The following CTNNA3 variants were observed in gnomAD, a reference collection of about 807,000 sequenced individuals.
CTNNA3 encodes the protein catenin alpha-3.
Under a neutral mutation model 95.7 loss-of-function variants are expected in CTNNA3, and 76 were observed. The ratio of observed to expected loss-of-function variants is 0.79; its 90% confidence interval spans 0.66 to 0.96. CTNNA3 has a LOEUF of 0.96. CTNNA3 is among the 40% of genes least tolerant of loss of function. The probability of loss-of-function intolerance (pLI) is 0.00; values close to 1 mark genes in which losing one functional copy is unlikely to be tolerated. For missense variants in CTNNA3, 1,191 were observed against 1,089.8 expected (o/e 1.09, Z -1.31); for synonymous variants, 431 against 374.4 (o/e 1.15, Z -1.74).
In CTNNA3 at chr10:67,620,923, G is replaced by GTGTATATATATATACA. The variant is rs1402402526; in HGVS notation, c.100-13875_100-13874insTGTATATATATATACA. 4.6e-4 allele frequency among the ~76,000 whole-genome samples: 57 copies of GTGTATATATATATACA among 123,850 alleles called. 1 individual carries two copies. The highest frequency in any genetic ancestry group is 1.6e-3 in the African/African-American group (53 of 32,712). 81.3% of individuals were successfully genotyped at this position (123,850 alleles called of 152,430 possible). On this transcript the variant is annotated intron_variant, in intron 2 of 17. Transcript: ENST00000433211. ...TGTATATGTGTGTGTGTGTGTGTGTGTATATATATATATATATATATATAT... is the reference window on the plus strand; with the variant it reads ...TGTATATGTGTGTGTGTGTGTGTGTGTGTATATATATATACATATATATATATATATATATATATAT...
intron 7 of CTNNA3, among the ~76,000 whole-genome samples, chr10:66,977,993 G>T (rs1850147809): frequency 6.6e-6 from 1 of 151,660 alleles, no homozygotes; most frequent in African/African-American, 2.4e-5. Flanking sequence ...GAATAATCAA[G>T]GTTGTATATA....
At chr10:67,682,314 G>A (rs539665889) in intron 1 of CTNNA3, among the ~76,000 whole-genome samples, 11 of 149,132 alleles carry the variant, frequency 7.4e-5, no homozygotes, top group African/African-American at 2.2e-4. Flanking sequence ...GTGACAGAGC[G>A]AGACTCTATC....
intron 5 of CTNNA3, among the ~76,000 whole-genome samples, chr10:67,291,103 A>G (rs1452628841): frequency 2.0e-5 from 3 of 152,158 alleles, no homozygotes; most frequent in East Asian, 1.9e-4. Flanking sequence ...TATATAATAA[A>G]TTGATCCCTC....
chr10:67,428,169 C>T (rs1368391860), intron 5 of CTNNA3, among the ~76,000 whole-genome samples: 1 of 151,960 alleles, frequency 6.6e-6, no homozygotes, highest in Non-Finnish European at 1.5e-5. Flanking sequence ...TATTGAATAT[C>T]CCTTGACTTG....
chr10:66,154,342 A>G (rs1345980406), intron 13 of CTNNA3, among the ~76,000 whole-genome samples: 1 of 151,700 alleles, frequency 6.6e-6, no homozygotes, highest in East Asian at 1.9e-4. Context: ...TTTAACATTG[A>G]GCAACTAGAG....
chr10:67,363,701 C>T (rs369118769), intron 5 of CTNNA3, among the ~76,000 whole-genome samples: 5 of 152,020 alleles, frequency 3.3e-5, no homozygotes, highest in Admixed American at 1.3e-4. Flanking sequence ...AACACTTCTA[C>T]GCAAATAAAC....
intron 5 of CTNNA3, among the ~76,000 whole-genome samples, chr10:67,281,979 T>C (rs947426092): frequency 3.9e-5 from 6 of 152,136 alleles, no homozygotes; most frequent in African/African-American, 1.2e-4. Context: ...GATAGGTCCA[T>C]ATGACAACGC....
intron 5 of CTNNA3, among the ~76,000 whole-genome samples, chr10:67,312,881 T>A (rs533490472): frequency 6.6e-6 from 1 of 152,296 alleles, no homozygotes; most frequent in South Asian, 2.1e-4. Context: ...TAATAGACAA[T>A]CATTTATGAA....
At chr10:65,979,867 G>T (rs1047997732) in intron 16 of CTNNA3, among the ~76,000 whole-genome samples, 15 of 151,962 alleles carry the variant, frequency 9.9e-5, no homozygotes, top group African/African-American at 3.4e-4. Flanking sequence ...TAAATCTTGA[G>T]AACTTTCTGT....
chr10:67,322,161 C>A (rs1249994034), intron 5 of CTNNA3, among the ~76,000 whole-genome samples: 1 of 151,832 alleles, frequency 6.6e-6, no homozygotes, highest in Non-Finnish European at 1.5e-5. Context: ...AAATTTTAAA[C>A]AGGCATTTAA....
At chr10:67,184,983 A>G (rs1046876522) in intron 6 of CTNNA3, among the ~76,000 whole-genome samples, 1 of 152,200 alleles carries the variant, frequency 6.6e-6, no homozygotes, top group African/African-American at 2.4e-5. Flanking sequence ...TATAATACAC[A>G]TTCTTCATGA....
At chr10:67,149,834 G>A (rs532296728) in intron 7 of CTNNA3, among the ~76,000 whole-genome samples, 1 of 152,288 alleles carries the variant, frequency 6.6e-6, no homozygotes, top group East Asian at 1.9e-4. Flanking sequence ...AGTCCAATTT[G>A]AGTGTAATAC....
At chr10:66,089,652 T>A (rs1471652136) in intron 14 of CTNNA3, among the ~76,000 whole-genome samples, 2 of 151,904 alleles carry the variant, frequency 1.3e-5, no homozygotes. Context: ...AGGCATCTAC[T>A]TTGTTTTTAT....
intron 1 of CTNNA3, among the ~76,000 whole-genome samples, chr10:67,717,080 GA>G (rs1439907553): frequency 6.6e-6 from 1 of 152,168 alleles, no homozygotes; most frequent in East Asian, 1.9e-4. Flanking sequence ...CAGTGATGAT[GA>G]GCTTTTTTTC....
At chr10:66,426,438 G>T (rs1010012860) in intron 11 of CTNNA3, among the ~76,000 whole-genome samples, 5 of 151,978 alleles carry the variant, frequency 3.3e-5, no homozygotes, top group East Asian at 1.9e-4. Context: ...TCTTGCTGAA[G>T]AAATACTTTG....
intron 13 of CTNNA3, among the ~76,000 whole-genome samples, chr10:66,114,739 C>T (rs530830386): frequency 1.8e-4 from 27 of 151,190 alleles, no homozygotes; most frequent in Admixed American, 1.5e-3. Context: ...ATTAGTTGGG[C>T]GTGGTGGCAC....
rs200875344 is a variant in CTNNA3, at chr10:67,236,412, G to GA, written c.580-16543dup. On this transcript the variant is annotated intron_variant, in intron 5 of 17. Transcript: ENST00000433211. ...CATTCTCAGCAAACTATCGCAAGAA[G>GA]AAAAAACAAAACACCGCATATTCTC... is the stretch of plus-strand genomic sequence containing the variant. Among the ~76,000 whole-genome samples, 1,917 of 146,350 alleles carry GA rather than the reference G, an allele frequency of 0.013. 115 individuals are homozygous for GA. The East Asian group carries it at 0.19, about 14-fold the overall frequency.
At chr10:66,143,826 AT>A (rs1284416823) in intron 13 of CTNNA3, among the ~76,000 whole-genome samples, 2 of 152,216 alleles carry the variant, frequency 1.3e-5, no homozygotes, top group African/African-American at 4.8e-5. Flanking sequence ...TTAAAGATAT[AT>A]ATGTTACAAT....
chr10:66,339,887 G>T (rs765915562), intron 12 of CTNNA3, among the ~76,000 whole-genome samples: 6 of 151,692 alleles, frequency 4.0e-5, no homozygotes, highest in Non-Finnish European at 7.4e-5. Flanking sequence ...GTGGCTCCCT[G>T]CTTCTAATAC....
Sources: gnomAD v4.1 joint callset for allele counts (sites outside exome capture counted in the v4.1 genomes callset) on GRCh38, gnomAD v4.1.1 for gene constraint, MANE v1.5 for transcripts, NCBI Gene and HGNC (gene_info 2026-07-23, HGNC 2026-07-21) for gene names.